Variants in NFATC1 observed in about 807,000 individuals in gnomAD.
NFATC1 encodes the protein nuclear factor of activated T cells 1, also known as nuclear factor of activated T-cells, cytoplasmic 1.
A neutral mutation model predicts 76.0 loss-of-function variants in NFATC1; 22 were observed. The observed-to-expected ratio is 0.29, with a 90% CI of 0.21 to 0.41. The LOEUF (loss-of-function observed/expected upper bound fraction) is 0.41. Among genes scored for constraint, NFATC1 ranks in the 10% least tolerant of loss-of-function variants. The pLI is 1.00. For missense variants in NFATC1, 1,357 were observed against 1,337.7 expected, an observed-to-expected ratio of 1.01 and a Z score of -0.23; for synonymous variants, 704 against 613.1, an observed-to-expected ratio of 1.15 and a Z score of -2.19.
chr18:79,439,555 GACC>G (rs1333277728), intron 3 of NFATC1, among the ~76,000 whole-genome samples: 6 of 152,232 alleles, frequency 3.9e-5, no homozygotes, highest in African/African-American at 1.4e-4. Flanking sequence ...CAGGGCGAAT[GACC>G]GTCACTTCCC....
intron 3 of NFATC1, among the ~76,000 whole-genome samples, chr18:79,436,917 C>T (rs759197774): frequency 3.9e-5 from 6 of 152,174 alleles, no homozygotes; most frequent in Non-Finnish European, 8.8e-5. Flanking sequence ...AGAGACCACC[C>T]CAGGCCAGCC....
At chr18:79,461,226 C>G in intron 6 of NFATC1, 85 bp from the exon 7 acceptor site, 3 of 1,522,566 alleles carry the variant, frequency 2.0e-6, no homozygotes, top group South Asian at 2.3e-5. Flanking sequence ...GGCTCAGGGC[C>G]CTGGGTCTGG....
intron 9 of NFATC1, chr18:79,496,349 C>T (rs1425630181): frequency 3.3e-5 from 5 of 152,286 alleles, no homozygotes; most frequent in Non-Finnish European, 5.9e-5. Flanking sequence ...AAGCCATGAG[C>T]GAGGTATTTA....
rs1392678697 is a variant in NFATC1, at chr18:79,471,092, A to G, written c.2092+3510A>G. ...TAGAGGCTGGAACACACATGCCCACAGAGAGGCTTCCTGAGCGGCTTGTCT... is the reference window on the plus strand; with the variant it reads ...TAGAGGCTGGAACACACATGCCCACGGAGAGGCTTCCTGAGCGGCTTGTCT... On this transcript the variant is annotated intron_variant, in intron 8 of 9. Transcript: ENST00000427363. 2.0e-5 allele frequency among the ~76,000 whole-genome samples: 3 copies of G among 152,206 alleles called. No homozygotes were observed. In the East Asian group the frequency reaches 5.8e-4, roughly 29 times the overall value.
chr18:79,416,096 A>G (rs1464487663), intron 2 of NFATC1, among the ~76,000 whole-genome samples: 3 of 152,240 alleles, frequency 2.0e-5, no homozygotes, highest in Admixed American at 6.5e-5. Flanking sequence ...TATTTCAGAC[A>G]TTAAGTTTTG....
At chr18:79,409,704 C>T (rs1332854328) in intron 1 of NFATC1, among the ~76,000 whole-genome samples, 3 of 152,280 alleles carry the variant, frequency 2.0e-5, no homozygotes, top group East Asian at 3.9e-4. Flanking sequence ...CATTGTCCAC[C>T]CACCCACCAA....
chr18:79,406,841 C>T (rs891501759), intron 1 of NFATC1, among the ~76,000 whole-genome samples: 5 of 151,962 alleles, frequency 3.3e-5, no homozygotes, highest in African/African-American at 1.2e-4. Flanking sequence ...GACCCCCAGC[C>T]GCAGAGCCAG....
chr18:79,449,026 G>A (rs759331090), intron 4 of NFATC1, 42 bp downstream of exon 4: 106 of 1,597,806 alleles, frequency 6.6e-5, no homozygotes, highest in Non-Finnish European at 8.9e-5. Flanking sequence ...GGGGGCGGTA[G>A]GAGGGGGCGT....
chr18:79,457,314 G>T (rs2087787035), intron 6 of NFATC1, among the ~76,000 whole-genome samples: 1 of 152,198 alleles, frequency 6.6e-6, no homozygotes, highest in Admixed American at 6.5e-5. Context: ...AGGACCCCTA[G>T]AATTGAGTGA....
intron 9 of NFATC1, among the ~76,000 whole-genome samples, chr18:79,520,956 T>C (rs1601000617): frequency 1.1e-5 from 1 of 92,458 alleles, no homozygotes; most frequent in Non-Finnish European, 2.0e-5. Flanking sequence ...GATGTGTGTG[T>C]CTGTGTGTGG....
chr18:79,438,054 C>T (rs955529287), intron 3 of NFATC1, among the ~76,000 whole-genome samples: 1 of 152,234 alleles, frequency 6.6e-6, no homozygotes, highest in South Asian at 2.1e-4. Context: ...CCTCCACCTG[C>T]GTGTTCTCCA....
At chr18:79,447,810 AC>A (rs1328598222) in intron 3 of NFATC1, among the ~76,000 whole-genome samples, 5 of 152,370 alleles carry the variant, frequency 3.3e-5, no homozygotes, top group African/African-American at 1.2e-4. Flanking sequence ...AAAGATAAAA[AC>A]AAACAGTTCT....
intron 3 of NFATC1, among the ~76,000 whole-genome samples, chr18:79,435,962 G>A (rs1185976533): frequency 6.6e-6 from 1 of 151,306 alleles, no homozygotes; most frequent in Non-Finnish European, 1.5e-5. Context: ...TGTATCTGTG[G>A]CAGAGTGGAT....
chr18:79,482,507 C>G (rs1188378760), intron 8 of NFATC1, among the ~76,000 whole-genome samples: 1 of 107,384 alleles, frequency 9.3e-6, no homozygotes, highest in African/African-American at 3.7e-5. Flanking sequence ...CCTGGGGTGT[C>G]ATTCCAGCGT....
chr18:79,458,929 TGA>T (rs2087899823), intron 6 of NFATC1, among the ~76,000 whole-genome samples: 2 of 152,278 alleles, frequency 1.3e-5, no homozygotes, highest in Non-Finnish European at 2.9e-5. Context: ...CTATTGCTTT[TGA>T]AAGACAATTA....
chr18:79,509,950 A>T (rs1009926243), intron 9 of NFATC1, among the ~76,000 whole-genome samples: 7 of 151,658 alleles, frequency 4.6e-5, no homozygotes, highest in Non-Finnish European at 1.0e-4. Flanking sequence ...AAAGTTAACC[A>T]CTCTTGGTGC....
intron 2 of NFATC1, among the ~76,000 whole-genome samples, chr18:79,427,253 T>G (rs2144618284): frequency 6.6e-6 from 1 of 152,236 alleles, no homozygotes; most frequent in African/African-American, 2.4e-5. Flanking sequence ...AGGTTTTACT[T>G]TATGGACTGT....
chr18:79,436,497 C>G (rs1348727965), intron 3 of NFATC1, among the ~76,000 whole-genome samples: 1 of 152,190 alleles, frequency 6.6e-6, no homozygotes, highest in Non-Finnish European at 1.5e-5. Flanking sequence ...CAGGGGCACG[C>G]TGTGCCCCCG....
At chr18:79,478,239 GTGTTGCTCA>G (rs1199751269) in intron 8 of NFATC1, among the ~76,000 whole-genome samples, 7 of 150,988 alleles carry the variant, frequency 4.6e-5, no homozygotes, top group Admixed American at 6.7e-5. Flanking sequence ...GCCTGCCACC[GTGTTGCTCA>G]TGCCGATTTT....
Sources: allele counts gnomAD v4.1 joint callset (sites outside exome capture counted in the v4.1 genomes callset), GRCh38; gene constraint gnomAD v4.1.1; transcripts MANE v1.5; gene names NCBI Gene and HGNC (gene_info 2026-07-23, HGNC 2026-07-21).